The following CC2D2A variants were observed in gnomAD, a reference collection of about 807,000 sequenced individuals.
The protein encoded by CC2D2A is coiled-coil and C2 domain containing 2A, also known as coiled-coil and C2 domain-containing protein 2A.
Under a neutral mutation model 212.9 loss-of-function variants are expected in CC2D2A, and 155 were observed. The observed-to-expected ratio is 0.73, with a 90% CI of 0.64 to 0.83. CC2D2A has a LOEUF of 0.83. Ranked by LOEUF, CC2D2A falls within the 40% of genes least tolerant of loss-of-function variation. The pLI, the probability that CC2D2A is intolerant of heterozygous loss-of-function variation, is 0.00. For synonymous variants in CC2D2A, 667 were observed against 686.5 expected, an observed-to-expected ratio of 0.97 and a Z score of 0.44; for missense variants, 1,856 against 1,956.2, an observed-to-expected ratio of 0.95 and a Z score of 0.97.
rs1457766149 is a variant in CC2D2A at position 15,519,498 on chromosome 4, T to C, written c.1149+2742T>C. The C allele has an allele frequency of 1.3e-5, 6 of 449,064 alleles. 1 individual carries two copies. The highest frequency in any genetic ancestry group is 7.0e-5 in the East Asian group (1 of 14,276). The allele number at this position is 449,064 out of a possible 1,614,324, so 27.8% of individuals were successfully genotyped here. A position where few individuals can be genotyped will look rare whatever the true frequency, so the allele number is the denominator to read the frequency against. ...AGTTGCTTCCACATTTTTGGGTATC[T>C]TTTCAGTAGTACTGCACTTCTGGTA... is the stretch of plus-strand genomic sequence containing the variant. On this transcript the variant is annotated intron_variant, in intron 11 of 36. Coordinates refer to ENST00000424120, the MANE Select transcript of CC2D2A (RefSeq NM_001378615.1).
intron 4 of CC2D2A, among the ~76,000 whole-genome samples, chr4:15,482,844 T>A (rs1452242003): frequency 6.6e-6 from 1 of 152,124 alleles, no homozygotes; most frequent in Non-Finnish European, 1.5e-5. Flanking sequence ...AAGAAGATAC[T>A]GTCCACTGTC....
chr4:15,512,864 A>G (rs1417357941), intron 8 of CC2D2A, among the ~76,000 whole-genome samples: 1 of 151,864 alleles, frequency 6.6e-6, no homozygotes, highest in African/African-American at 2.4e-5. Context: ...AGGCAGGAGT[A>G]TTACTTGAAC....
chr4:15,596,308 ATTTG>A, intron 34 of CC2D2A, 101 bp downstream of exon 34: 4 of 1,092,456 alleles, frequency 3.7e-6, no homozygotes, highest in East Asian at 2.8e-5. Flanking sequence ...CTAGAACAGT[ATTTG>A]TTTATCAAAC....
chr4:15,499,612 A>C (rs917457537), intron 4 of CC2D2A, among the ~76,000 whole-genome samples: 6 of 152,212 alleles, frequency 3.9e-5, no homozygotes, highest in Non-Finnish European at 8.8e-5. Flanking sequence ...ATAATTCATA[A>C]AATTGTTCTA....
intron 4 of CC2D2A, among the ~76,000 whole-genome samples, chr4:15,492,535 G>A (rs567281954): frequency 6.6e-6 from 1 of 151,696 alleles, no homozygotes; most frequent in Non-Finnish European, 1.5e-5. Flanking sequence ...GAGCACAGGG[G>A]ACTTTATTGA....
chr4:15,600,727 C>T (rs932250844), intron 36 of CC2D2A, among the ~76,000 whole-genome samples: 4 of 151,858 alleles, frequency 2.6e-5, no homozygotes, highest in African/African-American at 7.3e-5. Context: ...CATGGCAAAA[C>T]TCCATCTCTA....
chr4:15,472,500 A>G (rs1023857164), intron 1 of CC2D2A, among the ~76,000 whole-genome samples: 2 of 152,186 alleles, frequency 1.3e-5, no homozygotes, highest in African/African-American at 4.8e-5. Context: ...TTTCCTTAGA[A>G]ACTCATTTAA....
Position 15,542,713 on chromosome 4 carries a change from C to A in CC2D2A, c.2181+1699C>A, listed in dbSNP as rs75427182. On this transcript the variant is annotated intron_variant, in intron 17 of 36. Transcript: ENST00000424120. ...GGCCACATAAGCCCCACTTCAAGGACCCCCTGGACCTTACCACAATTGACC... is the reference window on the plus strand; with the variant it reads ...GGCCACATAAGCCCCACTTCAAGGAACCCCTGGACCTTACCACAATTGACC... Among the ~76,000 whole-genome samples, 26 of 152,290 alleles carry A rather than the reference C, an allele frequency of 1.7e-4. No homozygotes were observed. The East Asian group carries it at 4.8e-3, about 28-fold the overall frequency.
chr4:15,581,416 T>A (rs1720660285), intron 30 of CC2D2A, among the ~76,000 whole-genome samples: 1 of 152,156 alleles, frequency 6.6e-6, no homozygotes, highest in South Asian at 2.1e-4. Flanking sequence ...GAAAGGAAGA[T>A]TCTACAATGA....
chr4:15,500,663 G>T (rs1480676689), intron 4 of CC2D2A, among the ~76,000 whole-genome samples: 3 of 152,172 alleles, frequency 2.0e-5, no homozygotes, highest in African/African-American at 7.2e-5. Flanking sequence ...GAAACGGAGT[G>T]GCTGTGCTGC....
chr4:15,574,074 G>A (rs570602188), intron 28 of CC2D2A, 76 bp from the exon 29 acceptor site: 1 of 1,236,010 alleles, frequency 8.1e-7, no homozygotes, highest in East Asian at 2.6e-5. Flanking sequence ...ATTAAACAAT[G>A]AGGAGTTGAC....
In CC2D2A at chr4:15,553,317, C is replaced by T; in HGVS notation, c.2486+12C>T. Reference sequence around the variant, plus strand: ...ATCGGATTTCGGAGGTAATACATGGCAAGAGTAAATTGATGAGCAATGTCA... The same window carrying T: ...ATCGGATTTCGGAGGTAATACATGGTAAGAGTAAATTGATGAGCAATGTCA... On this transcript the variant is annotated intron_variant, in intron 19 of 36. Coordinates refer to ENST00000424120, the MANE Select transcript of CC2D2A (RefSeq NM_001378615.1). 6.2e-7 allele frequency: 1 copy of T among 1,610,544 alleles called. No homozygotes were observed. Among genetic ancestry groups the T allele is most frequent in the Non-Finnish European group, 8.5e-7 (1 of 1,178,534 alleles).
rs1261483576 is a variant in CC2D2A, at chr4:15,516,704, T to C, written c.1097T>C (p.Val366Ala). Residue 366 changes from valine (V) to alanine (A), a missense_variant, in exon 11 of 37, where the codon GTA becomes GCA. By Grantham distance (64) the Val-to-Ala change is moderately conservative. Transcript: ENST00000424120. Reference protein sequence around the residue: ...PIKPFPSRPPVLTQEQSIKAE... With the variant: ...PIKPFPSRPPALTQEQSIKAE... ...AAGCCATTTCCTTCAAGGCCGCCAG[T>C]ACTAACACAGGAGCAGAGCATTAAG... 6.2e-7 allele frequency: 1 copy of C among 1,613,412 alleles called. No individual in the cohort carries two copies. The highest frequency in any genetic ancestry group is 8.5e-7 in the Non-Finnish European group (1 of 1,179,662).
rs143334093 is a variant in CC2D2A, at chr4:15,510,705, A to G, written c.540+465A>G. 4.7e-3 allele frequency among the ~76,000 whole-genome samples: 713 copies of G among 152,336 alleles called. 3 individuals are homozygous for G. Among genetic ancestry groups the G allele is most frequent in the African/African-American group, 0.016 (663 of 41,560 alleles). ...TCCAACTTTCATACTAACTGGAGAG[A>G]TCAGAATATTGCCTGACTTGAGGAT... On this transcript the variant is annotated intron_variant, in intron 7 of 36. Transcript: ENST00000424120.
chr4:15,569,444 A>C, intron 27 of CC2D2A, 55 bp downstream of exon 27: 1 of 984,040 alleles, frequency 1.0e-6, no homozygotes, highest in Non-Finnish European at 1.6e-6. Flanking sequence ...TCCTCTACCC[A>C]CTACATAAGT....
chr4:15,574,189 C>G lies in CC2D2A; in HGVS notation c.3634C>G (p.Leu1212Val). 2 of 1,549,952 alleles carry G rather than the reference C, an allele frequency of 1.3e-6. No individual in the cohort carries two copies. Among genetic ancestry groups the G allele is most frequent in the Non-Finnish European group, 1.7e-6 (2 of 1,146,334 alleles). ...TFKIDIPPVL[L>V]GYSKERNMIL... ...TAAAATAGATATTCCCCCAGTTCTT[C>G]TGGGCTACAGTAAGGAGCGAAATAT... The change falls in exon 29 of 37, where the codon CTG becomes GTG. Residue 1212 changes from leucine to valine, a missense_variant. Physicochemically the swap from Leu to Val is conservative, Grantham distance 32. Coordinates refer to ENST00000424120, the MANE Select transcript of CC2D2A (RefSeq NM_001378615.1).
In CC2D2A at chr4:15,586,229, C is replaced by T. The variant is rs780313255; in HGVS notation, c.4048C>T (p.Leu1350Phe). 2.5e-6 allele frequency: 4 copies of T among 1,604,822 alleles called. No individual in the cohort carries two copies. Among genetic ancestry groups the T allele is most frequent in the Non-Finnish European group, 3.4e-6 (4 of 1,174,228 alleles). ...TGTCTCATTTGGTGGTATCTGTGAC[C>T]TCTGGAGCACATCTGATGTAAGTAG... ...DTVSFGGICD[L>F]WSTSDQFLDL... Residue 1350 changes from leucine to phenylalanine, a missense_variant, in exon 31 of 37, where the codon CTC becomes TTC. Around this residue, in one of 5 missense-constraint regions of CC2D2A, gnomAD observed 36 missense variants for 35.5 expected, o/e 1.02. Transcript: ENST00000424120.
At chr4:15,584,140 A>G (rs1466262552) in intron 30 of CC2D2A, among the ~76,000 whole-genome samples, 3 of 152,048 alleles carry the variant, frequency 2.0e-5, no homozygotes, top group Admixed American at 1.3e-4. Flanking sequence ...CTTCACAGAA[A>G]TAGAAAAAAA....
chr4:15,548,466 G>T (rs1718822312), intron 17 of CC2D2A, among the ~76,000 whole-genome samples: 1 of 151,962 alleles, frequency 6.6e-6, no homozygotes, highest in Admixed American at 6.6e-5. Flanking sequence ...CCTTTCATAG[G>T]ATTGTGGTGA....
Sources: allele counts gnomAD v4.1 joint callset (sites outside exome capture counted in the v4.1 genomes callset), GRCh38; gene constraint gnomAD v4.1.1; regional missense constraint gnomAD v4.1.1; transcripts MANE v1.5; gene names NCBI Gene and HGNC (gene_info 2026-07-23, HGNC 2026-07-21).